Variants in KCNK10 observed in about 807,000 individuals in gnomAD.
KCNK10 encodes the protein potassium two pore domain channel subfamily K member 10.
Under a neutral mutation model 47.7 loss-of-function variants are expected in KCNK10, and 25 were observed. The observed-to-expected ratio is 0.52, with a 90% confidence interval of 0.38 to 0.73. The LOEUF (loss-of-function observed/expected upper bound fraction) is 0.73, where lower values mean the gene tolerates loss of function less well. Among genes scored for constraint, KCNK10 ranks in the 30% least tolerant of loss-of-function variants. KCNK10 has a pLI of 0.00. For missense variants in KCNK10, 563 were observed against 714.5 expected, an observed-to-expected ratio of 0.79 and a Z score of 2.42; for synonymous variants, 303 against 285.6, an observed-to-expected ratio of 1.06 and a Z score of -0.61.
chr14:88,284,297 C>A (rs1007834269), intron 1 of KCNK10, among the ~76,000 whole-genome samples: 1 of 152,102 alleles, frequency 6.6e-6, no homozygotes, highest in Non-Finnish European at 1.5e-5. Context: ...CTGGGAGACC[C>A]TGGGTACAAA....
intron 1 of KCNK10, among the ~76,000 whole-genome samples, chr14:88,303,845 A>T (rs1304193406): frequency 1.3e-5 from 2 of 152,208 alleles, no homozygotes; most frequent in East Asian, 3.9e-4. Flanking sequence ...AGACCTATCT[A>T]AAAAAACTCC....
At chr14:88,233,655 C>CAA (rs1249856224) in intron 3 of KCNK10, among the ~76,000 whole-genome samples, 1 of 152,162 alleles carries the variant, frequency 6.6e-6, no homozygotes. Context: ...CAAAAAAGGG[C>CAA]AAAAACCATC....
chr14:88,303,897 T>C (rs1266430523), intron 1 of KCNK10, among the ~76,000 whole-genome samples: 1 of 152,172 alleles, frequency 6.6e-6, no homozygotes, highest in Non-Finnish European at 1.5e-5. Flanking sequence ...CTCAAGTCCC[T>C]CCTTCACGCT....
At chr14:88,257,889 G>T (rs946664889) in intron 2 of KCNK10, among the ~76,000 whole-genome samples, 2 of 152,114 alleles carry the variant, frequency 1.3e-5, no homozygotes, top group Non-Finnish European at 2.9e-5. Flanking sequence ...TGTTGAACTG[G>T]ATAATTCTTT....
intron 6 of KCNK10, among the ~76,000 whole-genome samples, chr14:88,187,196 T>G (rs181941112): frequency 3.4e-4 from 51 of 152,196 alleles, no homozygotes; most frequent in Admixed American, 2.0e-3. Context: ...ATTCAGCAAC[T>G]TTCTCCTGGG....
chr14:88,270,601 A>C (rs984764315), intron 1 of KCNK10: 4 of 715,820 alleles, frequency 5.6e-6, no homozygotes, highest in Admixed American at 1.9e-5. Context: ...CTATGATGAA[A>C]TGACTGAGAC....
chr14:88,206,189 C>G (rs959303475), intron 4 of KCNK10, among the ~76,000 whole-genome samples: 2 of 152,158 alleles, frequency 1.3e-5, no homozygotes, highest in African/African-American at 4.8e-5. Flanking sequence ...TGGGAGCCCC[C>G]TGGAAGCTCT....
intron 3 of KCNK10, among the ~76,000 whole-genome samples, chr14:88,238,133 A>C (rs1336807092): frequency 6.6e-6 from 1 of 152,188 alleles, no homozygotes; most frequent in Non-Finnish European, 1.5e-5. Flanking sequence ...CTTACCTTAA[A>C]TGTCATAAAC....
At chr14:88,257,287 C>G (rs767740874) in intron 2 of KCNK10, among the ~76,000 whole-genome samples, 15 of 152,128 alleles carry the variant, frequency 9.9e-5, no homozygotes, top group Non-Finnish European at 1.3e-4. Context: ...TTCAGTGACT[C>G]GACATTCCAC....
intron 2 of KCNK10, among the ~76,000 whole-genome samples, chr14:88,258,529 T>A (rs1471220613): frequency 6.6e-6 from 1 of 152,178 alleles, no homozygotes; most frequent in Non-Finnish European, 1.5e-5. Context: ...GACATCGTGA[T>A]CCGCTTGACT....
upstream of KCNK10, among the ~76,000 whole-genome samples, chr14:88,324,362 A>G (rs564132592): frequency 1.3e-3 from 200 of 152,314 alleles, 1 homozygote; most frequent in Non-Finnish European, 2.3e-3. Context: ...ATGCTGACAA[A>G]TTGCTTCGGA....
At chr14:88,250,525 G>T (rs941679500) in intron 2 of KCNK10, among the ~76,000 whole-genome samples, 1 of 152,148 alleles carries the variant, frequency 6.6e-6, no homozygotes, top group African/African-American at 2.4e-5. Context: ...TGAAATAGGG[G>T]ATGGCCCAGG....
rs1886424395 is a variant in KCNK10 at position 88,240,528 on chromosome 14, T to A, written c.520+175A>T. Among the ~76,000 whole-genome samples the A allele has an allele frequency of 2.6e-5, 4 of 152,246 alleles. No homozygotes were observed. In the South Asian group the frequency reaches 6.2e-4, roughly 24 times the overall value. ...TTCTGGAAAAAGAGATACTTCATTATGCTTTGGCTTTTGTTGAAAGCCACC... is the reference window on the plus strand; with the variant it reads ...TTCTGGAAAAAGAGATACTTCATTAAGCTTTGGCTTTTGTTGAAAGCCACC... On this transcript the variant is annotated intron_variant, in intron 3 of 6. Coordinates refer to ENST00000319231, the MANE Select transcript of KCNK10 (RefSeq NM_138317.3).
chr14:88,205,703 C>T (rs1403224114), intron 4 of KCNK10, among the ~76,000 whole-genome samples: 1 of 151,936 alleles, frequency 6.6e-6, no homozygotes, highest in East Asian at 1.9e-4. Context: ...CACCACCATG[C>T]CCAGCTAATT....
chr14:88,303,842 T>C (rs1006106707), intron 1 of KCNK10, among the ~76,000 whole-genome samples: 1 of 152,062 alleles, frequency 6.6e-6, no homozygotes, highest in African/African-American at 2.4e-5. Flanking sequence ...TCAAGACCTA[T>C]CTAAAAAAAC....
In KCNK10 at chr14:88,186,305, C is replaced by T; in HGVS notation, c.1012-150G>A. On this transcript the variant is annotated intron_variant, in intron 6 of 6. Transcript: ENST00000319231. This position sits in a 1 kb window ranked among gnomAD's most constrained non-coding sequence, Gnocchi z 5.5. Reference sequence around the variant, plus strand: ...GGAGGTGCAAATGCTACCTTCTGCCCTAGTACTTCTGCCACCTGGACACCC... The same window carrying T: ...GGAGGTGCAAATGCTACCTTCTGCCTTAGTACTTCTGCCACCTGGACACCC... 1 of 962,582 alleles carries T rather than the reference C, an allele frequency of 1.0e-6. No homozygotes were observed. Among genetic ancestry groups the T allele is most frequent in the South Asian group, 1.9e-5 (1 of 53,096 alleles). 59.6% of individuals were successfully genotyped at this position (962,582 alleles called of 1,614,324 possible). A position where few individuals can be genotyped will look rare whatever the true frequency, so the allele number is the denominator to read the frequency against.
intron 4 of KCNK10, among the ~76,000 whole-genome samples, chr14:88,218,518 A>G (rs1437190381): frequency 6.6e-6 from 1 of 152,130 alleles, no homozygotes; most frequent in Non-Finnish European, 1.5e-5. Flanking sequence ...CCATAAGCAA[A>G]TAAACATTTC....
At position 88,317,561 on chromosome 14, in the gene KCNK10, A is replaced by G. The variant is rs138609300; in HGVS notation, c.52+5186T>C. Among the ~76,000 whole-genome samples the G allele has an allele frequency of 1.3e-3, 199 of 152,346 alleles. 4 individuals are homozygous for G. In the East Asian group the frequency reaches 0.03, roughly 23 times the overall value. Reference sequence around the variant, plus strand: ...CAAAGAGCAGGAGAGTGTGGAATGAACAAAGTCGCTGGGAGGAAGGAAAGC... The same window carrying G: ...CAAAGAGCAGGAGAGTGTGGAATGAGCAAAGTCGCTGGGAGGAAGGAAAGC... On this transcript the variant is annotated intron_variant, in intron 1 of 6. Transcript: ENST00000319231.
At chr14:88,314,978 A>G (rs1888398836) in intron 1 of KCNK10, among the ~76,000 whole-genome samples, 1 of 152,170 alleles carries the variant, frequency 6.6e-6, no homozygotes, top group Non-Finnish European at 1.5e-5. Context: ...GCAATCTAAG[A>G]CTATCAGGGA....
Sources: allele counts gnomAD v4.1 joint callset (sites outside exome capture counted in the v4.1 genomes callset), GRCh38; gene constraint gnomAD v4.1.1; non-coding constraint Gnocchi (gnomAD v3.1); transcripts MANE v1.5; gene names NCBI Gene and HGNC (gene_info 2026-07-23, HGNC 2026-07-21).